WWOX: variants seen among roughly 807,000 people sequenced by gnomAD.
The protein encoded by WWOX is WW domain containing oxidoreductase.
Under a neutral mutation model 46.2 loss-of-function variants are expected in WWOX, and 69 were observed. The observed-to-expected ratio is 1.49, with a 90% CI of 1.23 to 1.82. The LOEUF (loss-of-function observed/expected upper bound fraction) is 1.82. Ranked by LOEUF, WWOX falls within the 40% of genes most tolerant of loss-of-function variation. The pLI, the probability that WWOX is intolerant of heterozygous loss-of-function variation, is 0.00. For synonymous variants in WWOX, 359 were observed against 202.6 expected (o/e 1.77, Z -6.56); for missense variants, 919 against 542.6 (o/e 1.69, Z -6.89).
intron 8 of WWOX, among the ~76,000 whole-genome samples, chr16:79,158,890 A>C (rs561395678): frequency 5.3e-5 from 8 of 152,308 alleles, no homozygotes; most frequent in African/African-American, 1.2e-4. Context: ...GGTCATTTTC[A>C]CTGCTGTAGT....
Position 78,914,417 on chromosome 16 carries a change from G to A in WWOX, c.1057-297191G>A, listed in dbSNP as rs114668635. Among the ~76,000 whole-genome samples, 707 of 152,122 alleles carry A rather than the reference G, an allele frequency of 4.6e-3. 10 individuals carry two copies. The highest frequency in any genetic ancestry group is 0.014 in the African/African-American group (577 of 41,544). On this transcript the variant is annotated intron_variant, in intron 8 of 8. Coordinates refer to ENST00000566780, the MANE Select transcript of WWOX (RefSeq NM_016373.4). The stretch of plus-strand genomic sequence containing the variant: ...GTGAATGAGGGAGTGAATGAATGAG[G>A]GATTTGCAGCTTGAACGCTGTACTT...
At chr16:78,449,059 A>T (rs896353990) in intron 8 of WWOX, among the ~76,000 whole-genome samples, 4 of 152,182 alleles carry the variant, frequency 2.6e-5, no homozygotes, top group Admixed American at 2.6e-4. Flanking sequence ...AGTAGGCATT[A>T]TACCAGGTAA....
intron 8 of WWOX, among the ~76,000 whole-genome samples, chr16:78,493,302 G>T (rs184090473): frequency 1.3e-5 from 2 of 152,154 alleles, no homozygotes; most frequent in Non-Finnish European, 2.9e-5. Flanking sequence ...AAGACAGGTG[G>T]CTAGCATTAT....
At chr16:79,025,399 C>A (rs553066998) in intron 8 of WWOX, among the ~76,000 whole-genome samples, 1 of 152,132 alleles carries the variant, frequency 6.6e-6, no homozygotes, top group Non-Finnish European at 1.5e-5. Context: ...GATCTCAAAA[C>A]GAGGTCATCT....
intron 8 of WWOX, among the ~76,000 whole-genome samples, chr16:78,829,375 A>C (rs1452724409): frequency 3.9e-5 from 6 of 152,150 alleles, no homozygotes; most frequent in Admixed American, 1.3e-4. Flanking sequence ...CTTTTGTTTT[A>C]TTCGGGCCTT....
intron 8 of WWOX, among the ~76,000 whole-genome samples, chr16:78,943,611 C>T (rs958660258): frequency 1.1e-4 from 16 of 152,146 alleles, no homozygotes; most frequent in African/African-American, 3.9e-4. Context: ...GGCGATGGCT[C>T]CACTCTGTGT....
chr16:79,185,709 TGTCTTGAGAGCA>T (rs2050999779), intron 8 of WWOX, among the ~76,000 whole-genome samples: 1 of 152,116 alleles, frequency 6.6e-6, no homozygotes, highest in Non-Finnish European at 1.5e-5. Context: ...CCTTCTGTGT[TGTCTTGAGAGCA>T]GAGAAGGTGG....
At chr16:78,466,735 CT>C (rs1333683683) in intron 8 of WWOX, among the ~76,000 whole-genome samples, 1 of 152,062 alleles carries the variant, frequency 6.6e-6, no homozygotes, top group Admixed American at 6.6e-5. Flanking sequence ...GTAATCCCAG[CT>C]ACTTAGGAGG....
intron 5 of WWOX, among the ~76,000 whole-genome samples, chr16:78,223,854 T>G (rs566189932): frequency 2.5e-4 from 38 of 152,306 alleles, no homozygotes; most frequent in African/African-American, 8.9e-4. Context: ...CAAGACTATA[T>G]TCATAGAATC....
At chr16:79,012,477 T>G (rs2047330570) in intron 8 of WWOX, among the ~76,000 whole-genome samples, 1 of 152,114 alleles carries the variant, frequency 6.6e-6, no homozygotes, top group African/African-American at 2.4e-5. Context: ...AAAAGTGATT[T>G]GCCCACCTTA....
chr16:78,687,643 C>T (rs565407263), intron 8 of WWOX, among the ~76,000 whole-genome samples: 1 of 152,112 alleles, frequency 6.6e-6, no homozygotes, highest in Non-Finnish European at 1.5e-5. Flanking sequence ...GCTCAGGAAC[C>T]CTTGGTTAGC....
At chr16:78,892,882 A>G (rs1481530031) in intron 8 of WWOX, among the ~76,000 whole-genome samples, 4 of 152,198 alleles carry the variant, frequency 2.6e-5, no homozygotes, top group African/African-American at 7.2e-5. Flanking sequence ...ATTCATTGGT[A>G]TCTCCTACGC....
At chr16:78,622,484 G>A (rs1229748060) in intron 8 of WWOX, among the ~76,000 whole-genome samples, 1 of 151,634 alleles carries the variant, frequency 6.6e-6, no homozygotes, top group South Asian at 2.1e-4. Context: ...GGGGGTTGCA[G>A]GGAGCTGAGA....
In WWOX at chr16:78,386,145, G is replaced by A. The variant is rs2082055961; in HGVS notation, c.517-715G>A. ...CTATCTCTGTGATCTCTTGTAAGAT[G>A]CTGCATTGTCAAATGGAGAAAACAT... On this transcript the variant is annotated intron_variant, in intron 5 of 8. Transcript: ENST00000566780. Among the ~76,000 whole-genome samples, 5 of 152,302 alleles carry A rather than the reference G, an allele frequency of 3.3e-5. No homozygotes were observed. The South Asian group carries it at 1.0e-3, about 32-fold the overall frequency.
chr16:79,002,553 C>A (rs2047114796), intron 8 of WWOX, among the ~76,000 whole-genome samples: 1 of 152,148 alleles, frequency 6.6e-6, no homozygotes, highest in Non-Finnish European at 1.5e-5. Context: ...AACCTGATGA[C>A]CCTTGCCATA....
intron 8 of WWOX, among the ~76,000 whole-genome samples, chr16:78,498,249 A>G (rs115270489): frequency 0.016 from 2,363 of 151,720 alleles, 65 homozygotes; most frequent in African/African-American, 0.051. Context: ...GTCACCATGA[A>G]GCAGGAGGAG....
Position 78,212,267 on chromosome 16 carries a change from G to A in WWOX, c.516+47978G>A, listed in dbSNP as rs537489668. 2.6e-5 allele frequency among the ~76,000 whole-genome samples: 4 copies of A among 152,332 alleles called. No individual in the cohort carries two copies. The South Asian group carries it at 8.3e-4, about 32-fold the overall frequency. The stretch of plus-strand genomic sequence containing the variant: ...GGGGGGATTGATTTCTTCTCTGAGG[G>A]CAGAGGCTGATCAATCTAGGCTGGT... On this transcript the variant is annotated intron_variant, in intron 5 of 8. Transcript: ENST00000566780.
chr16:78,643,820 T>G (rs774621506), intron 8 of WWOX, among the ~76,000 whole-genome samples: 27 of 121,696 alleles, frequency 2.2e-4, no homozygotes, highest in Non-Finnish European at 3.9e-4. Flanking sequence ...GAAAGCCCCC[T>G]AACTCCAAAA....
Position 78,200,971 on chromosome 16 carries a change from C to T in WWOX, c.516+36682C>T, listed in dbSNP as rs545258378. 6.6e-5 allele frequency among the ~76,000 whole-genome samples: 10 copies of T among 152,144 alleles called. No homozygotes were observed. The South Asian group carries it at 1.9e-3, about 28-fold the overall frequency. On this transcript the variant is annotated intron_variant, in intron 5 of 8. Transcript: ENST00000566780. ...ATTGAAAGGTAAACATTTACTTCTG[C>T]CTTTTAAATAGACATAGCAAGTCTC...
Sources: allele counts gnomAD v4.1 joint callset (sites outside exome capture counted in the v4.1 genomes callset), GRCh38; gene constraint gnomAD v4.1.1; transcripts MANE v1.5; gene names NCBI Gene and HGNC (gene_info 2026-07-23, HGNC 2026-07-21).